The following PKNOX2 variants were observed in gnomAD, a reference collection of about 807,000 sequenced individuals.
PKNOX2 encodes PBX/knotted 1 homeobox 2, also known as homeobox protein PKNOX2.
A neutral mutation model predicts 53.1 loss-of-function variants in PKNOX2; 14 were observed. The observed-to-expected ratio is 0.26, with a 90% CI of 0.17 to 0.41. PKNOX2 has a LOEUF of 0.41. Among genes scored for constraint, PKNOX2 ranks in the 10% least tolerant of loss-of-function variants. PKNOX2 has a pLI of 1.00. For synonymous variants in PKNOX2, 257 were observed against 242.8 expected, an observed-to-expected ratio of 1.06 and a Z score of -0.54; for missense variants, 496 against 602.8, an observed-to-expected ratio of 0.82 and a Z score of 1.85.
At chr11:125,217,608 G>A (rs1940672599) in intron 1 of PKNOX2, among the ~76,000 whole-genome samples, 1 of 152,168 alleles carries the variant, frequency 6.6e-6, no homozygotes, top group African/African-American at 2.4e-5. Context: ...TCTCCTCTGC[G>A]TGATTGCCCC....
intron 3 of PKNOX2, among the ~76,000 whole-genome samples, chr11:125,338,005 G>C (rs116751678): frequency 6.6e-6 from 1 of 152,168 alleles, no homozygotes; most frequent in Non-Finnish European, 1.5e-5. Context: ...GAGAAGAAGC[G>C]TTCATTTCCT....
At chr11:125,258,914 T>C (rs1224054910) in intron 2 of PKNOX2, 2 of 359,506 alleles carry the variant, frequency 5.6e-6, no homozygotes, top group Non-Finnish European at 1.1e-5. Context: ...CAGCCTCAGC[T>C]CCAACAGTGA....
At chr11:125,174,853 TC>T (rs1955589282) in intron 1 of PKNOX2, among the ~76,000 whole-genome samples, 2 of 152,036 alleles carry the variant, frequency 1.3e-5, no homozygotes, top group Non-Finnish European at 2.9e-5. Context: ...CCGGCCCCTC[TC>T]CCACTCTGCC....
At chr11:125,362,877 C>G (rs1951998634) in intron 4 of PKNOX2, among the ~76,000 whole-genome samples, 1 of 152,188 alleles carries the variant, frequency 6.6e-6, no homozygotes, top group South Asian at 2.1e-4. Flanking sequence ...GCCAGCGTGG[C>G]TGGATCTCTC....
intron 4 of PKNOX2, among the ~76,000 whole-genome samples, chr11:125,358,070 G>A (rs1951715817): frequency 6.6e-6 from 1 of 152,166 alleles, no homozygotes; most frequent in Admixed American, 6.5e-5. Context: ...GCTGTTGAGA[G>A]TGTGGGAACA....
Position 125,398,725 on chromosome 11 carries a change from A to G in PKNOX2, c.588+663A>G, listed in dbSNP as rs114521631. On this transcript the variant is annotated intron_variant, in intron 7 of 12. Transcript: ENST00000298282. ...GATGGGGTTTCCCCTCCAGGGCAGG[A>G]TATTTTCCCCAAACCTACAAACCGA... is the stretch of plus-strand genomic sequence containing the variant. 7.1e-3 allele frequency among the ~76,000 whole-genome samples: 1,076 copies of G among 152,270 alleles called. 12 individuals are homozygous for G. The highest frequency in any genetic ancestry group is 0.024 in the African/African-American group (995 of 41,554).
chr11:125,389,170 G>A (rs763153478), intron 6 of PKNOX2, among the ~76,000 whole-genome samples: 1 of 151,810 alleles, frequency 6.6e-6, no homozygotes, highest in Non-Finnish European at 1.5e-5. Flanking sequence ...ACTCCAGCCT[G>A]GGCAGCAAAG....
At chr11:125,327,105 T>C (rs943476972) in intron 2 of PKNOX2, among the ~76,000 whole-genome samples, 55 of 151,924 alleles carry the variant, frequency 3.6e-4, no homozygotes, top group African/African-American at 1.3e-3. Context: ...GATACCAGAG[T>C]GGGGGTAACC....
intron 2 of PKNOX2, among the ~76,000 whole-genome samples, chr11:125,308,769 T>C (rs754457388): frequency 1.3e-5 from 2 of 152,240 alleles, no homozygotes; most frequent in Non-Finnish European, 2.9e-5. Flanking sequence ...TCTCCCATTC[T>C]GGGTTGGTTC....
intron 7 of PKNOX2, chr11:125,409,966 A>T (rs974479186): frequency 2.1e-6 from 1 of 475,352 alleles, no homozygotes; most frequent in African/African-American, 2.0e-5. Context: ...TTTCAGGGCA[A>T]TGGAATGGTT....
intron 2 of PKNOX2, among the ~76,000 whole-genome samples, chr11:125,297,722 A>T (rs1256494946): frequency 6.6e-6 from 1 of 152,084 alleles, no homozygotes; most frequent in Non-Finnish European, 1.5e-5. Flanking sequence ...TGCATGCATT[A>T]TGCTATTTCC....
intron 2 of PKNOX2, among the ~76,000 whole-genome samples, chr11:125,248,889 TATATA>T (rs1475622008): frequency 7.4e-6 from 1 of 134,692 alleles, no homozygotes; most frequent in Non-Finnish European, 1.6e-5. Flanking sequence ...ATATATAACA[TATATA>T]ATATATATAA....
At chr11:125,215,020 GGAGAGCGTCCGCGAAGGAAATA>G (rs1422924048) in intron 1 of PKNOX2, among the ~76,000 whole-genome samples, 2 of 152,070 alleles carry the variant, frequency 1.3e-5, no homozygotes, top group African/African-American at 4.8e-5. Flanking sequence ...ATCTGTGGTG[GGAGAGCGTCCGCGAAGGAAATA>G]AAATCTCCAT....
rs139788886 is a variant in PKNOX2 at position 125,265,015 on chromosome 11, A to G, written c.-130+29900A>G. On this transcript the variant is annotated intron_variant, in intron 2 of 12. Transcript: ENST00000298282. ...ACAGTTACAGGGCTTATGGCCGGGCATGGTGGCTCAAGCCTGTAATCCCAG... is the reference window on the plus strand; with the variant it reads ...ACAGTTACAGGGCTTATGGCCGGGCGTGGTGGCTCAAGCCTGTAATCCCAG... Among the ~76,000 whole-genome samples, 108 of 152,250 alleles carry G rather than the reference A, an allele frequency of 7.1e-4. No homozygotes were observed. In the East Asian group the frequency reaches 8.3e-3, roughly 12 times the overall value.
chr11:125,292,298 G>T (rs1947356143), intron 2 of PKNOX2, among the ~76,000 whole-genome samples: 1 of 152,164 alleles, frequency 6.6e-6, no homozygotes, highest in African/African-American at 2.4e-5. Flanking sequence ...GCTCTCTGGG[G>T]CTTGTGCCCC....
At chr11:125,197,531 C>T (rs664851) in intron 1 of PKNOX2, among the ~76,000 whole-genome samples, 29,564 of 152,060 alleles carry the variant, frequency 0.19, 3,458 homozygotes, top group Admixed American at 0.31. Context: ...CCCCGGTCTT[C>T]AGTAGGAGTC....
chr11:125,431,452 CAGGGTGGGGGGGAAGGG>C lies in PKNOX2; in HGVS notation c.*61_*77del. On this transcript the variant is annotated 3_prime_UTR_variant, in exon 13 of 13. Transcript: ENST00000298282. ...GAGAGGAGTGTCGCCGGGAGGCCTT[CAGGGTGGGGGGGAAGGG>C]GACATGGGCAGGAAGCACCGAGGGA... The C allele has an allele frequency of 9.2e-7, 1 of 1,090,058 alleles. No individual in the cohort carries two copies. The highest frequency in any genetic ancestry group is 1.2e-6 in the Non-Finnish European group (1 of 867,144). 67.5% of individuals were successfully genotyped at this position (1,090,058 alleles called of 1,614,324 possible).
intron 12 of PKNOX2, among the ~76,000 whole-genome samples, chr11:125,430,547 C>T (rs1956650120): frequency 6.6e-6 from 1 of 152,114 alleles, no homozygotes; most frequent in Non-Finnish European, 1.5e-5. Flanking sequence ...TCCATCACAC[C>T]CTCCATATAC....
chr11:125,364,917 G>C (rs1158596864), intron 4 of PKNOX2, among the ~76,000 whole-genome samples: 1 of 152,054 alleles, frequency 6.6e-6, no homozygotes, highest in Non-Finnish European at 1.5e-5. Flanking sequence ...CGGTGGCCCA[G>C]CTGGTCAGTC....
Sources: allele counts gnomAD v4.1 joint callset (sites outside exome capture counted in the v4.1 genomes callset), GRCh38; gene constraint gnomAD v4.1.1; transcripts MANE v1.5; gene names NCBI Gene and HGNC (gene_info 2026-07-23, HGNC 2026-07-21).